Variants in CFAP99 observed in about 807,000 individuals in gnomAD.
CFAP99 encodes the protein cilia and flagella associated protein 99.
Under a neutral mutation model 82.7 loss-of-function variants are expected in CFAP99, and 84 were observed. That is an observed-to-expected ratio of 1.02 (90% CI 0.85 to 1.22). CFAP99 has a LOEUF of 1.22. CFAP99 is among the 50% of genes most tolerant of loss of function. The pLI, the probability that CFAP99 is intolerant of heterozygous loss-of-function variation, is 0.00. For synonymous variants in CFAP99, 456 were observed against 429.5 expected (o/e 1.06, Z -0.76); for missense variants, 1,059 against 983.5 (o/e 1.08, Z -1.03).
intron 14 of CFAP99, among the ~76,000 whole-genome samples, chr4:2,461,636 C>T (rs1299706230): frequency 6.6e-6 from 1 of 152,140 alleles, no homozygotes; most frequent in Non-Finnish European, 1.5e-5. Flanking sequence ...CTACCTCCTG[C>T]TAAAAAAGTT....
chr4:2,449,851 C>T, intron 7 of CFAP99, 83 bp from the exon 8 acceptor site: 2 of 1,526,462 alleles, frequency 1.3e-6, no homozygotes, highest in East Asian at 4.9e-5. Context: ...GAGGGGGAGG[C>T]TGGGTGGAAG....
At chr4:2,460,011 T>C (rs1257069221) in intron 13 of CFAP99, 26 bp from the exon 14 acceptor site, 3 of 1,533,674 alleles carry the variant, frequency 2.0e-6, no homozygotes, top group East Asian at 2.4e-5. Context: ...AGCTCCCAGC[T>C]TGGGGCCTCC....
intron 6 of CFAP99, 35 bp downstream of exon 6, chr4:2,445,343 C>T: frequency 2.3e-6 from 3 of 1,299,334 alleles, no homozygotes; most frequent in Non-Finnish European, 2.9e-6. Context: ...CACTGGCTTG[C>T]AGGCATCAGG....
intron 13 of CFAP99, 45 bp downstream of exon 13, chr4:2,459,303 C>T (rs926683424): frequency 8.5e-5 from 125 of 1,478,942 alleles, no homozygotes; most frequent in East Asian, 3.7e-4. Flanking sequence ...GGGGCCTCCA[C>T]GCTGGCACTG....
chr4:2,453,038 G>T (rs113194470), intron 11 of CFAP99, among the ~76,000 whole-genome samples: 1 of 152,118 alleles, frequency 6.6e-6, no homozygotes, highest in South Asian at 2.1e-4. Context: ...ACTCCATCCT[G>T]GGCGACAGAG....
exon 14 of CFAP99, chr4:2,460,204 G>C (rs746230298): frequency 1.3e-6 from 2 of 1,536,018 alleles, no homozygotes; most frequent in Admixed American, 3.9e-5. Flanking sequence ...AGCAGATCTC[G>C]CTGTGCCGTG....
At chr4:2,442,131 G>A (rs937513250) in intron 4 of CFAP99, among the ~76,000 whole-genome samples, 1 of 152,206 alleles carries the variant, frequency 6.6e-6, no homozygotes, top group Non-Finnish European at 1.5e-5. Context: ...CCCCAGCTGA[G>A]ACGCTGAGTG....
chr4:2,460,050 G>A (rs1330227554), exon 14 of CFAP99: 1 of 1,535,920 alleles, frequency 6.5e-7, no homozygotes, highest in Non-Finnish European at 8.7e-7. Flanking sequence ...CCCGGCTACG[G>A]CCTGGAAGGA....
At chr4:2,451,070 C>A in intron 9 of CFAP99, 52 bp downstream of exon 9, 1 of 1,512,870 alleles carries the variant, frequency 6.6e-7, no homozygotes, top group Non-Finnish European at 8.9e-7. Flanking sequence ...ACCCACCCCT[C>A]CAGACCTTTT....
chr4:2,443,089 G>A (rs1374240117), intron 4 of CFAP99, 41 bp from the exon 5 acceptor site: 5 of 1,177,132 alleles, frequency 4.2e-6, no homozygotes, highest in East Asian at 2.5e-5. Flanking sequence ...GAGGGGTTGG[G>A]CCCAGGGCTC....
At position 2,462,509 on chromosome 4, in the gene CFAP99, G is replaced by C; in HGVS notation, c.1728G>C (p.Gln576His). 2 of 1,478,092 alleles carry C rather than the reference G, an allele frequency of 1.4e-6. No homozygotes were observed. Among genetic ancestry groups the C allele is most frequent in the Non-Finnish European group, 1.8e-6 (2 of 1,123,150 alleles). 91.6% of individuals were successfully genotyped at this position (1,478,092 alleles called of 1,614,324 possible). The change falls in exon 15 of 15, where the codon CAG becomes CAC. Residue 576 changes from glutamine to histidine, a missense_variant. Coordinates refer to ENST00000635017, the Ensembl canonical transcript of CFAP99. This position sits in a 1 kb window ranked among gnomAD's most constrained non-coding sequence, Gnocchi z 4.1. ...CCTCGCAGGACGAGCGCGTGCAGCA[G>C]CTGCGGCGCAGGATCTCGGAGAGGG...
intron 4 of CFAP99, 132 bp from the exon 5 acceptor site, chr4:2,442,998 G>A (rs1734082806): frequency 4.3e-6 from 2 of 465,932 alleles, no homozygotes; most frequent in East Asian, 3.5e-5. Context: ...GGGGTGCTGG[G>A]GGCCTTGGGG....
chr4:2,447,400 G>A (rs957972925), intron 6 of CFAP99, among the ~76,000 whole-genome samples: 10 of 151,690 alleles, frequency 6.6e-5, no homozygotes, highest in African/African-American at 2.2e-4. Flanking sequence ...TCAAATGGTA[G>A]GATGGTGGGT....
rs533230451 is a variant in CFAP99 at position 2,462,648 on chromosome 4, G to A, written c.1867G>A (p.Gly623Arg). The A allele has an allele frequency of 3.9e-6, 5 of 1,284,582 alleles. No homozygotes were observed. The highest frequency in any genetic ancestry group is 3.0e-4 in the Middle Eastern group (1 of 3,372). The allele number at this position is 1,284,582 out of a possible 1,614,324, so 79.6% of individuals were successfully genotyped here. The stretch of plus-strand genomic sequence containing the variant: ...GGAGGAGCCCGGGCGACTGAAAGCC[G>A]GGGCCGGGTGGGGATGGCGGGCGCG... Residue 623 changes from glycine to arginine, a missense_variant, in exon 15 of 15, where the codon GGG (glycine) becomes AGG (arginine). Physicochemically the swap from Gly to Arg is moderately radical, Grantham distance 125. Coordinates refer to ENST00000635017, the Ensembl canonical transcript of CFAP99. The surrounding 1 kb of genome is among the most constrained non-coding windows in gnomAD (Gnocchi z 4.1).
intron 11 of CFAP99, among the ~76,000 whole-genome samples, chr4:2,457,009 G>A (rs553587252): frequency 2.0e-4 from 28 of 142,128 alleles, no homozygotes; most frequent in Non-Finnish European, 2.6e-4. Context: ...CTGGAATGCA[G>A]TGGCACAATC....
chr4:2,444,016 G>C (rs1427518014), intron 5 of CFAP99, among the ~76,000 whole-genome samples: 1 of 152,178 alleles, frequency 6.6e-6, no homozygotes, highest in Non-Finnish European at 1.5e-5. Flanking sequence ...GACCACTTAG[G>C]TGCCAGCTGT....
At chr4:2,426,376 T>G in intron 1 of CFAP99, 83 bp from the exon 2 acceptor site, 1 of 854,486 alleles carries the variant, frequency 1.2e-6, no homozygotes, top group South Asian at 1.5e-5. Flanking sequence ...CCCAACACCC[T>G]GGCAGACTCC....
exon 14 of CFAP99, chr4:2,460,091 C>T (rs1321274964): frequency 6.5e-7 from 1 of 1,536,094 alleles, no homozygotes. Flanking sequence ...GCGAGAGCGG[C>T]TGGCCCTGCT....
intron 1 of CFAP99, among the ~76,000 whole-genome samples, chr4:2,424,418 A>G (rs141201235): frequency 0.028 from 4,285 of 152,182 alleles, 210 homozygotes; most frequent in African/African-American, 0.098. Flanking sequence ...ACGCCATTGC[A>G]CTCCAGCCTG....
Sources: gnomAD v4.1 joint callset for allele counts (sites outside exome capture counted in the v4.1 genomes callset) on GRCh38, gnomAD v4.1.1 for gene constraint, Gnocchi (gnomAD v3.1) non-coding constraint, MANE v1.5 for transcripts, NCBI Gene and HGNC (gene_info 2026-07-23, HGNC 2026-07-21) for gene names.